XXYLT1: variants seen among roughly 807,000 people sequenced by gnomAD.
The protein encoded by XXYLT1 is UDP-xylose:alpha-xyloside alpha-1,3-xylosyltransferase.
XXYLT1 carries 20 observed loss-of-function variants against 28.9 expected under a neutral mutation model. The ratio of observed to expected loss-of-function variants is 0.69; its 90% CI spans 0.49 to 1.00. The LOEUF (loss-of-function observed/expected upper bound fraction) is 1.00, where lower values mean the gene tolerates loss of function less well. Ranked by LOEUF, XXYLT1 falls within the 50% of genes least tolerant of loss-of-function variation. The pLI is 0.00. For synonymous variants in XXYLT1, 257 were observed against 253.8 expected (o/e 1.01, Z -0.12); for missense variants, 542 against 560.1 (o/e 0.97, Z 0.33).
rs1166700618 is a variant in XXYLT1 at position 195,210,424 on chromosome 3, T to C, written c.652+16285A>G. The stretch of plus-strand genomic sequence containing the variant: ...GGCAGGAGGACGGACTCCTCATGGG[T>C]GAGGCGAGGCCCAGAAAAAAGTTGG... On this transcript the variant is annotated intron_variant, in intron 2 of 3. Transcript: ENST00000310380. This position sits in a 1 kb window ranked among gnomAD's most constrained non-coding sequence, Gnocchi z 4.8. 6.6e-6 allele frequency among the ~76,000 whole-genome samples: 1 copy of C among 152,114 alleles called. No individual in the cohort carries two copies. The highest frequency in any genetic ancestry group is 1.5e-5 in the Non-Finnish European group (1 of 68,032).
At chr3:195,237,288 G>T (rs1158609911) in intron 1 of XXYLT1, among the ~76,000 whole-genome samples, 2 of 152,184 alleles carry the variant, frequency 1.3e-5, no homozygotes, top group Non-Finnish European at 2.9e-5. Context: ...TGTCTAGGCT[G>T]GTCTAAATGC....
chr3:195,258,981 G>T (rs966479845), intron 1 of XXYLT1, among the ~76,000 whole-genome samples: 1 of 152,246 alleles, frequency 6.6e-6, no homozygotes, highest in African/African-American at 2.4e-5. Flanking sequence ...GCGCTTTCTA[G>T]AGTGACAACA....
chr3:195,169,718 C>T (rs1376281785), intron 2 of XXYLT1, among the ~76,000 whole-genome samples: 1 of 152,028 alleles, frequency 6.6e-6, no homozygotes, highest in African/African-American at 2.4e-5. Flanking sequence ...TAGTTTTCTA[C>T]TATATACAAA....
At chr3:195,169,653 C>G (rs1046443263) in intron 2 of XXYLT1, among the ~76,000 whole-genome samples, 6 of 151,934 alleles carry the variant, frequency 3.9e-5, no homozygotes, top group Non-Finnish European at 8.8e-5. Context: ...GGGCTATAGC[C>G]CCCCCCATAA....
chr3:195,070,258 A>G, intron 3 of XXYLT1, 147 bp from the exon 4 acceptor site: 1 of 1,115,510 alleles, frequency 9.0e-7, no homozygotes, highest in South Asian at 1.7e-5. Context: ...CAAGTGGCAG[A>G]GCTGGGACCT....
At chr3:195,197,394 G>A (rs6771779) in intron 2 of XXYLT1, among the ~76,000 whole-genome samples, 3,595 of 148,650 alleles carry the variant, frequency 0.024, 129 homozygotes, top group African/African-American at 0.086. Flanking sequence ...CCAAGATCGC[G>A]CCACTGCACT....
chr3:195,113,451 A>G (rs932436100), intron 3 of XXYLT1, among the ~76,000 whole-genome samples: 1 of 152,178 alleles, frequency 6.6e-6, no homozygotes, highest in African/African-American at 2.4e-5. Flanking sequence ...ATTAGGTAGT[A>G]CGCTTATCCT....
intron 3 of XXYLT1, among the ~76,000 whole-genome samples, chr3:195,080,876 G>A (rs1028171334): frequency 4.6e-5 from 7 of 152,348 alleles, no homozygotes; most frequent in African/African-American, 1.4e-4. Flanking sequence ...ACCCAGGCAC[G>A]AAGGTGCTGG....
chr3:195,201,058 A>T (rs1252713100), intron 2 of XXYLT1, among the ~76,000 whole-genome samples: 4 of 152,136 alleles, frequency 2.6e-5, no homozygotes, highest in African/African-American at 7.2e-5. Context: ...AACTCAATTT[A>T]AAAAAAATCT....
chr3:195,126,487 T>G (rs561935701), intron 3 of XXYLT1, among the ~76,000 whole-genome samples: 1 of 152,220 alleles, frequency 6.6e-6, no homozygotes, highest in Non-Finnish European at 1.5e-5. Context: ...ATAAAAGTGA[T>G]GAAGGCACAG....
chr3:195,237,038 C>T (rs1010494110), intron 1 of XXYLT1, among the ~76,000 whole-genome samples: 1 of 152,134 alleles, frequency 6.6e-6, no homozygotes, highest in Non-Finnish European at 1.5e-5. Flanking sequence ...GAGCTGTGAG[C>T]TGCGCTGCCT....
chr3:195,122,957 G>A (rs1419858134), intron 3 of XXYLT1, among the ~76,000 whole-genome samples: 2 of 152,174 alleles, frequency 1.3e-5, no homozygotes, highest in Non-Finnish European at 2.9e-5. Context: ...CACTGGCCTG[G>A]TTCTGCAACG....
chr3:195,137,192 G>A (rs1485765450), intron 3 of XXYLT1, among the ~76,000 whole-genome samples: 1 of 152,170 alleles, frequency 6.6e-6, no homozygotes, highest in African/African-American at 2.4e-5. Flanking sequence ...AACAAAGTGG[G>A]GTGTGACACT....
chr3:195,169,798 T>C lies in XXYLT1; in HGVS notation c.653-13217A>G, dbSNP rs1032150962. Among the ~76,000 whole-genome samples, 102 of 151,844 alleles carry C rather than the reference T, an allele frequency of 6.7e-4. 1 individual carries two copies. The highest frequency in any genetic ancestry group is 2.4e-3 in the African/African-American group (100 of 41,474). On this transcript the variant is annotated intron_variant, in intron 2 of 3. Coordinates refer to ENST00000310380, the MANE Select transcript of XXYLT1 (RefSeq NM_152531.5). ...TATAACTATATAATATTGTAATATA[T>C]GTTCTATGTAGGAGTATCAGTGTGT...
chr3:195,129,970 C>T lies in XXYLT1; in HGVS notation c.785+26479G>A, dbSNP rs1199719935. On this transcript the variant is annotated intron_variant, in intron 3 of 3. Coordinates refer to ENST00000310380, the MANE Select transcript of XXYLT1 (RefSeq NM_152531.5). This position sits in a 1 kb window ranked among gnomAD's most constrained non-coding sequence, Gnocchi z 4.4. ...CCATGCCTCCAACTCCTCACCAGCA[C>T]CTGTTATTGTCCTGCCTTTCTTTTT... 6.6e-6 allele frequency among the ~76,000 whole-genome samples: 1 copy of T among 152,198 alleles called. No individual in the cohort carries two copies. Among genetic ancestry groups the T allele is most frequent in the East Asian group, 1.9e-4 (1 of 5,200 alleles).
chr3:195,119,469 G>C (rs1415579869), intron 3 of XXYLT1, among the ~76,000 whole-genome samples: 1 of 152,136 alleles, frequency 6.6e-6, no homozygotes, highest in African/African-American at 2.4e-5. Context: ...GCTATGAAAT[G>C]AGTGACTGGG....
intron 3 of XXYLT1, among the ~76,000 whole-genome samples, chr3:195,143,268 T>C (rs1219972280): frequency 4.6e-5 from 7 of 152,102 alleles, no homozygotes; most frequent in Admixed American, 3.3e-4. Context: ...CCTTGCGGGG[T>C]GCAGCCCACG....
At chr3:195,242,105 G>A (rs990254484) in intron 1 of XXYLT1, among the ~76,000 whole-genome samples, 9 of 152,164 alleles carry the variant, frequency 5.9e-5, no homozygotes, top group Admixed American at 2.6e-4. Flanking sequence ...AGGTAGGAAC[G>A]AGCAAATAAA....
At chr3:195,175,854 C>T (rs1461273083) in intron 2 of XXYLT1, 17 of 1,413,948 alleles carry the variant, frequency 1.2e-5, no homozygotes, top group Non-Finnish European at 1.3e-5. Flanking sequence ...GGAAGATGTC[C>T]TAGAAAGCCA....
Sources: allele counts gnomAD v4.1 joint callset (sites outside exome capture counted in the v4.1 genomes callset), GRCh38; gene constraint gnomAD v4.1.1; non-coding constraint Gnocchi (gnomAD v3.1); transcripts MANE v1.5; gene names NCBI Gene and HGNC (gene_info 2026-07-23, HGNC 2026-07-21).